SUCLG2: variants seen among roughly 807,000 people sequenced by gnomAD.
SUCLG2 encodes the protein succinate--CoA ligase [GDP-forming] subunit beta, mitochondrial.
A neutral mutation model predicts 47.9 loss-of-function variants in SUCLG2; 42 were observed. The ratio of observed to expected loss-of-function variants is 0.88; its 90% CI spans 0.69 to 1.14. SUCLG2 has a LOEUF of 1.14. Among genes scored for constraint, SUCLG2 ranks in the 50% most tolerant of loss-of-function variants. The pLI is 0.00. For missense variants in SUCLG2, 571 were observed against 525.9 expected (o/e 1.09, Z -0.84); for synonymous variants, 195 against 197.3 (o/e 0.99, Z 0.10).
intron 9 of SUCLG2, among the ~76,000 whole-genome samples, chr3:67,450,144 C>T (rs1704022053): frequency 6.6e-6 from 1 of 152,162 alleles, no homozygotes; most frequent in Non-Finnish European, 1.5e-5. Flanking sequence ...TGGGCTCAAG[C>T]AATCCTCTCG....
At chr3:67,574,694 GA>G (rs201152420) in intron 2 of SUCLG2, among the ~76,000 whole-genome samples, 1 of 152,010 alleles carries the variant, frequency 6.6e-6, no homozygotes, top group Admixed American at 6.5e-5. Flanking sequence ...CTCCAAAACA[GA>G]AAAAAATTAG....
At chr3:67,450,326 G>A (rs1298436777) in intron 9 of SUCLG2, among the ~76,000 whole-genome samples, 1 of 152,194 alleles carries the variant, frequency 6.6e-6, no homozygotes, top group East Asian at 1.9e-4. Flanking sequence ...ACAGGCTCAA[G>A]CTACCAAACC....
Position 67,399,319 on chromosome 3 carries a change from G to A in SUCLG2, c.1183+1412C>T, listed in dbSNP as rs139800426. 8.6e-3 allele frequency among the ~76,000 whole-genome samples: 1,303 copies of A among 152,188 alleles called. 16 individuals carry two copies. The highest frequency in any genetic ancestry group is 0.028 in the African/African-American group (1,181 of 41,506). ...TGAACTGTTCTGAGGAAAAGTGTTC[G>A]TGCAACTGTCTGGGTATCAAGCTAA... On this transcript the variant is annotated intron_variant, in intron 10 of 10. Transcript: ENST00000307227.
chr3:67,596,275 A>G (rs1247146992), intron 2 of SUCLG2, among the ~76,000 whole-genome samples: 1 of 152,194 alleles, frequency 6.6e-6, no homozygotes, highest in Non-Finnish European at 1.5e-5. Context: ...TTACATACAA[A>G]CAGTAAGATG....
chr3:67,393,964 G>A (rs6771322), intron 10 of SUCLG2, among the ~76,000 whole-genome samples: 1 of 152,120 alleles, frequency 6.6e-6, no homozygotes, highest in African/African-American at 2.4e-5. Flanking sequence ...TGAGGGTCCT[G>A]TCTGTTAGAA....
intron 9 of SUCLG2, among the ~76,000 whole-genome samples, chr3:67,401,826 G>C (rs143133497): frequency 2.7e-3 from 410 of 152,224 alleles, no homozygotes; most frequent in African/African-American, 9.2e-3. Context: ...TATTATTTCT[G>C]TCTGTTAAAT....
chr3:67,461,458 A>T (rs139629056), intron 9 of SUCLG2, among the ~76,000 whole-genome samples: 1 of 152,052 alleles, frequency 6.6e-6, no homozygotes, highest in African/African-American at 2.4e-5. Flanking sequence ...TCTGAGGGGG[A>T]AGGGGTTTGT....
intron 6 of SUCLG2, among the ~76,000 whole-genome samples, chr3:67,513,579 G>C (rs1357657911): frequency 6.6e-6 from 1 of 152,164 alleles, no homozygotes; most frequent in African/African-American, 2.4e-5. Context: ...TGTGTGACCA[G>C]GTGTAACAGG....
intron 7 of SUCLG2, among the ~76,000 whole-genome samples, chr3:67,500,364 A>G (rs1486891946): frequency 6.6e-6 from 1 of 152,220 alleles, no homozygotes; most frequent in Non-Finnish European, 1.5e-5. Context: ...TACTTGTTAT[A>G]AGTATATATA....
chr3:67,615,585 G>A (rs1484572200), intron 1 of SUCLG2, among the ~76,000 whole-genome samples: 5 of 147,872 alleles, frequency 3.4e-5, no homozygotes, highest in Non-Finnish European at 1.5e-5. Flanking sequence ...TTTGCCAAAA[G>A]GAATGAAGAT....
At chr3:67,606,819 C>T (rs1000740844) in intron 2 of SUCLG2, among the ~76,000 whole-genome samples, 1 of 152,192 alleles carries the variant, frequency 6.6e-6, no homozygotes. Flanking sequence ...AAGGGCTTGC[C>T]TGTCTTGCAC....
At chr3:67,551,346 T>G (rs1476386152) in intron 2 of SUCLG2, among the ~76,000 whole-genome samples, 1 of 152,224 alleles carries the variant, frequency 6.6e-6, no homozygotes, top group Non-Finnish European at 1.5e-5. Context: ...TATTTATGTT[T>G]TGATAGTTTG....
chr3:67,634,456 A>T (rs1700975885), intron 1 of SUCLG2, among the ~76,000 whole-genome samples: 1 of 152,246 alleles, frequency 6.6e-6, no homozygotes, highest in Admixed American at 6.5e-5. Flanking sequence ...GCAGATTTCA[A>T]GAATTCTGGT....
At chr3:67,384,359 C>G (rs1373567525) in intron 10 of SUCLG2, among the ~76,000 whole-genome samples, 3 of 152,196 alleles carry the variant, frequency 2.0e-5, no homozygotes. Flanking sequence ...CAAGCTATAG[C>G]TCACGGACCA....
chr3:67,541,529 C>T (rs1706711876), intron 2 of SUCLG2, among the ~76,000 whole-genome samples: 1 of 152,144 alleles, frequency 6.6e-6, no homozygotes, highest in East Asian at 1.9e-4. Flanking sequence ...AAAGACCAAA[C>T]CTACGTTTGA....
In SUCLG2 at chr3:67,634,068, C is replaced by A. The variant is rs367719550; in HGVS notation, c.84+20435G>T. Among the ~76,000 whole-genome samples the A allele has an allele frequency of 6.6e-5, 10 of 152,284 alleles. No individual in the cohort carries two copies. The South Asian group carries it at 1.9e-3, about 28-fold the overall frequency. On this transcript the variant is annotated intron_variant, in intron 1 of 10. Coordinates refer to ENST00000307227, the MANE Select transcript of SUCLG2 (RefSeq NM_003848.4). Reference sequence around the variant, plus strand: ...ACAGAACAGAGCTGAAACATCATGTCCCCACTGTAGACACCCTCCATATAT... The same window carrying A: ...ACAGAACAGAGCTGAAACATCATGTACCCACTGTAGACACCCTCCATATAT...
intron 10 of SUCLG2, among the ~76,000 whole-genome samples, chr3:67,380,165 ATT>A (rs35629133): frequency 2.1e-3 from 297 of 141,508 alleles, no homozygotes; most frequent in Admixed American, 2.0e-3. Context: ...ATCAGGAGGG[ATT>A]TTTTTTTTTT....
intron 1 of SUCLG2, among the ~76,000 whole-genome samples, chr3:67,641,882 T>G (rs1033730377): frequency 6.6e-6 from 1 of 152,210 alleles, no homozygotes; most frequent in Non-Finnish European, 1.5e-5. Context: ...TAGCTTCCAG[T>G]GGTTCACAGG....
At chr3:67,459,092 C>T (rs1188840354) in intron 9 of SUCLG2, among the ~76,000 whole-genome samples, 1 of 152,090 alleles carries the variant, frequency 6.6e-6, no homozygotes, top group Non-Finnish European at 1.5e-5. Flanking sequence ...ATTCAACCTG[C>T]CTCTGATCTT....
Sources: gnomAD v4.1 joint callset for allele counts (sites outside exome capture counted in the v4.1 genomes callset) on GRCh38, gnomAD v4.1.1 for gene constraint, MANE v1.5 for transcripts, NCBI Gene and HGNC (gene_info 2026-07-23, HGNC 2026-07-21) for gene names.